The following PRDM16 variants were observed in gnomAD, a reference collection of about 807,000 sequenced individuals.
PRDM16 encodes the protein PR/SET domain 16.
PRDM16 carries 23 observed loss-of-function variants against 110.6 expected under a neutral mutation model. The observed-to-expected ratio is 0.21, with a 90% CI of 0.15 to 0.29. The LOEUF (loss-of-function observed/expected upper bound fraction) is 0.29, where lower values mean the gene tolerates loss of function less well. PRDM16 is among the 10% of genes least tolerant of loss of function. The pLI is 1.00. For missense variants in PRDM16, 1,615 were observed against 1,794.3 expected (o/e 0.90, Z 1.81); for synonymous variants, 799 against 781.8 (o/e 1.02, Z -0.37).
At chr1:3,162,335 C>T (rs145357405) in intron 1 of PRDM16, among the ~76,000 whole-genome samples, 269 of 152,338 alleles carry the variant, frequency 1.8e-3, no homozygotes, top group African/African-American at 6.1e-3. Context: ...AATAGTGACT[C>T]TGCCTCCCTC....
intron 2 of PRDM16, among the ~76,000 whole-genome samples, chr1:3,241,154 A>G (rs1023712494): frequency 2.5e-4 from 38 of 152,214 alleles, no homozygotes; most frequent in Admixed American, 7.8e-4. Context: ...GGTGTTCCCA[A>G]CTGCCCAGGC....
At chr1:3,122,680 T>G (rs1003948661) in intron 1 of PRDM16, among the ~76,000 whole-genome samples, 2 of 150,350 alleles carry the variant, frequency 1.3e-5, no homozygotes, top group Non-Finnish European at 3.0e-5. Flanking sequence ...ATTCCCCCCC[T>G]CCGTGCTGCC....
chr1:3,290,472 C>T lies in PRDM16; in HGVS notation c.438+46335C>T, dbSNP rs1439769476. Among the ~76,000 whole-genome samples the T allele has an allele frequency of 6.6e-6, 1 of 152,352 alleles. No individual in the cohort carries two copies. Among genetic ancestry groups the T allele is most frequent in the Admixed American group, 6.5e-5 (1 of 15,308 alleles). On this transcript the variant is annotated intron_variant, in intron 3 of 16. Transcript: ENST00000270722. The surrounding 1 kb of genome is among the most constrained non-coding windows in gnomAD (Gnocchi z 4.8). Reference sequence around the variant, plus strand: ...CGAAGCGGTGATTTTTCTCTTGAGGCCCCTGTGTCCTAGCATTTCTGAGCT... The same window carrying T: ...CGAAGCGGTGATTTTTCTCTTGAGGTCCCTGTGTCCTAGCATTTCTGAGCT...
At chr1:3,328,099 G>A (rs1178351822) in intron 3 of PRDM16, among the ~76,000 whole-genome samples, 2 of 152,214 alleles carry the variant, frequency 1.3e-5, no homozygotes, top group Non-Finnish European at 2.9e-5. Context: ...GCTAGGCGTT[G>A]GGGTCCCAGA....
At chr1:3,200,581 A>G (rs960369861) in intron 2 of PRDM16, among the ~76,000 whole-genome samples, 1 of 152,168 alleles carries the variant, frequency 6.6e-6, no homozygotes, top group Admixed American at 6.5e-5. Context: ...TGACCCTGTG[A>G]TCTGCCCGCC....
intron 3 of PRDM16, among the ~76,000 whole-genome samples, chr1:3,268,279 A>C (rs1640344632): frequency 1.3e-5 from 2 of 152,238 alleles, no homozygotes; most frequent in Non-Finnish European, 2.9e-5. Flanking sequence ...AGAAGGGCAG[A>C]GTCTTTGTCA....
intron 3 of PRDM16, among the ~76,000 whole-genome samples, chr1:3,334,555 G>A (rs932621662): frequency 8.5e-5 from 13 of 152,186 alleles, no homozygotes; most frequent in Non-Finnish European, 1.6e-4. Flanking sequence ...GGAGGAAAGC[G>A]GGACAGGGAA....
Position 3,243,378 on chromosome 1 carries a change from C to CAAAAAAA in PRDM16, c.388-704_388-698dup, listed in dbSNP as rs57900782. Among the ~76,000 whole-genome samples, 1 of 149,228 alleles carries CAAAAAAA rather than the reference C, an allele frequency of 6.7e-6. No homozygotes were observed. Among genetic ancestry groups the CAAAAAAA allele is most frequent in the Non-Finnish European group, 1.5e-5 (1 of 67,204 alleles). On this transcript the variant is annotated intron_variant, in intron 2 of 16. Transcript: ENST00000270722. This position sits in a 1 kb window ranked among gnomAD's most constrained non-coding sequence, Gnocchi z 5.5. The stretch of plus-strand genomic sequence containing the variant: ...TAAAACACTCCCACCTCTGATTTGC[C>CAAAAAAA]AAAAAAAAAAAGAGGAAGCAGAGAA...
intron 1 of PRDM16, among the ~76,000 whole-genome samples, chr1:3,151,369 T>A (rs1459431951): frequency 2.6e-5 from 4 of 152,184 alleles, no homozygotes; most frequent in African/African-American, 9.7e-5. Context: ...CAGTTCCTCC[T>A]GGGAATAGAC....
Position 3,425,535 on chromosome 1 carries a change from A to G in PRDM16, c.2940-46A>G, listed in dbSNP as rs1638579067. 6 of 1,587,266 alleles carry G rather than the reference A, an allele frequency of 3.8e-6. No individual in the cohort carries two copies. The highest frequency in any genetic ancestry group is 4.3e-6 in the Non-Finnish European group (5 of 1,163,672). ...CCCACCCTCTGTGGCCCGGCCTGCCATGCAGAGCCGGGGCCTGCACTGAGG... is the reference window on the plus strand; with the variant it reads ...CCCACCCTCTGTGGCCCGGCCTGCCGTGCAGAGCCGGGGCCTGCACTGAGG... On this transcript the variant is annotated intron_variant, in intron 12 of 16. Coordinates refer to ENST00000270722, the MANE Select transcript of PRDM16 (RefSeq NM_022114.4). This position sits in a 1 kb window ranked among gnomAD's most constrained non-coding sequence, Gnocchi z 6.9.
chr1:3,094,597 G>A (rs748538667), intron 1 of PRDM16, among the ~76,000 whole-genome samples: 4 of 152,230 alleles, frequency 2.6e-5, no homozygotes, highest in Non-Finnish European at 5.9e-5. Context: ...CTTCCACTGG[G>A]CCCTGGAGAG....
chr1:3,102,762 C>T (rs1642561592), intron 1 of PRDM16, among the ~76,000 whole-genome samples: 1 of 152,222 alleles, frequency 6.6e-6, no homozygotes, highest in South Asian at 2.1e-4. Flanking sequence ...AACAGCCTGC[C>T]CACTGGGGCC....
intron 1 of PRDM16, among the ~76,000 whole-genome samples, chr1:3,090,836 C>T (rs1642259737): frequency 6.6e-6 from 1 of 152,228 alleles, no homozygotes; most frequent in Non-Finnish European, 1.5e-5. Flanking sequence ...AGCTGACACT[C>T]CTGCAGGGTG....
At chr1:3,406,306 C>G (rs967736848) in intron 8 of PRDM16, among the ~76,000 whole-genome samples, 1 of 152,120 alleles carries the variant, frequency 6.6e-6, no homozygotes, top group Non-Finnish European at 1.5e-5. Context: ...CTGAGACTGC[C>G]TGTTCGATGA....
intron 4 of PRDM16, among the ~76,000 whole-genome samples, chr1:3,388,860 G>A (rs1643246386): frequency 6.6e-6 from 1 of 152,204 alleles, no homozygotes; most frequent in Non-Finnish European, 1.5e-5. Flanking sequence ...GATGTGGGTT[G>A]CTGTGCATTC....
At position 3,435,660 on chromosome 1, in the gene PRDM16, ACG is replaced by A. The variant is rs879777092; in HGVS notation, c.*1850_*1851del. On this transcript the variant is annotated 3_prime_UTR_variant, in exon 17 of 17. Coordinates refer to ENST00000270722, the MANE Select transcript of PRDM16 (RefSeq NM_022114.4). ...AGCCGCCTTGGTGTGGGTTTGTGTC[ACG>A]TGTGGACATCTCCTCAGGCTTTGTG... The A allele has an allele frequency of 7.6e-3, 1,774 of 232,718 alleles. 7 individuals are homozygous for A. The highest frequency in any genetic ancestry group is 0.011 in the Middle Eastern group (9 of 784). The allele number at this position is 232,718 out of a possible 1,614,324, so 14.4% of individuals were successfully genotyped here.
At chr1:3,278,672 T>C (rs529258417) in intron 3 of PRDM16, among the ~76,000 whole-genome samples, 20 of 152,288 alleles carry the variant, frequency 1.3e-4, no homozygotes, top group African/African-American at 3.8e-4. Context: ...CTCTGGAGCC[T>C]GTGGTCTGGT....
At chr1:3,280,058 A>C (rs1237815800) in intron 3 of PRDM16, among the ~76,000 whole-genome samples, 2 of 152,182 alleles carry the variant, frequency 1.3e-5, no homozygotes, top group African/African-American at 2.4e-5. Flanking sequence ...GTGAAAAAAA[A>C]AAAACATTTA....
At chr1:3,409,959 TGGGGGGTGTGGTTGTGTGTTTGCATG>T (rs1643652416) in intron 8 of PRDM16, among the ~76,000 whole-genome samples, 1 of 90,534 alleles carries the variant, frequency 1.1e-5, no homozygotes, top group Admixed American at 1.4e-4. Context: ...TGTGTGCGTG[TGGGGGGTGTGGTTGTGTGTTTGCATG>T]GGGGGGTGTG....
Sources: gnomAD v4.1 joint callset for allele counts (sites outside exome capture counted in the v4.1 genomes callset) on GRCh38, gnomAD v4.1.1 for gene constraint, Gnocchi (gnomAD v3.1) non-coding constraint, MANE v1.5 for transcripts, NCBI Gene and HGNC (gene_info 2026-07-23, HGNC 2026-07-21) for gene names.